The following ADAM19 variants were observed in gnomAD, a reference collection of about 807,000 sequenced individuals.
ADAM19 encodes disintegrin and metalloproteinase domain-containing protein 19.
ADAM19 carries 65 observed loss-of-function variants against 114.7 expected under a neutral mutation model. The observed-to-expected ratio is 0.57, with a 90% CI of 0.46 to 0.70. ADAM19 has a LOEUF of 0.70. Ranked by LOEUF, ADAM19 falls within the 30% of genes least tolerant of loss-of-function variation. The pLI, the probability that ADAM19 is intolerant of heterozygous loss-of-function variation, is 0.00. For missense variants in ADAM19, 1,063 were observed against 1,204.7 expected, an observed-to-expected ratio of 0.88 and a Z score of 1.74; for synonymous variants, 466 against 460.5, an observed-to-expected ratio of 1.01 and a Z score of -0.15.
At chr5:157,489,370 G>A (rs1303511933) in intron 19 of ADAM19, among the ~76,000 whole-genome samples, 184 bp from the exon 20 acceptor site, 1 of 152,204 alleles carries the variant, frequency 6.6e-6, no homozygotes, top group Non-Finnish European at 1.5e-5. Flanking sequence ...GTGGCCAATG[G>A]AGAACTCTCA....
intron 20 of ADAM19, 26 bp downstream of exon 20, chr5:157,489,076 A>G: frequency 6.2e-7 from 1 of 1,601,430 alleles, no homozygotes; most frequent in South Asian, 1.1e-5. Flanking sequence ...GAAAAGTAGC[A>G]AAGTTCAGTG....
chr5:157,568,770 T>C (rs1261502070), intron 2 of ADAM19: 2 of 152,214 alleles, frequency 1.3e-5, no homozygotes, highest in African/African-American at 4.8e-5. Context: ...GAATTAATTA[T>C]ATAAATGAGA....
At chr5:157,517,768 A>G (rs2113737583) in intron 7 of ADAM19, among the ~76,000 whole-genome samples, 1 of 152,352 alleles carries the variant, frequency 6.6e-6, no homozygotes, top group Non-Finnish European at 1.5e-5. Context: ...GAAATACATG[A>G]TGAGCCAGGT....
At chr5:157,512,941 G>T (rs1715447197) in intron 8 of ADAM19, among the ~76,000 whole-genome samples, 1 of 152,108 alleles carries the variant, frequency 6.6e-6, no homozygotes, top group African/African-American at 2.4e-5. Flanking sequence ...TTTGTATCTG[G>T]AAGGAACCTT....
In ADAM19 at chr5:157,489,285, A is replaced by G. The variant is rs1755068640; in HGVS notation, c.2241-99T>C. On this transcript the variant is annotated intron_variant, in intron 19 of 22. Transcript: ENST00000257527. ...ACCCAAGCACGGCCAGCAAGCAGCT[A>G]AATCTTTCCCAAGTCTGCTCTGGAG... The G allele has an allele frequency of 3.6e-6, 3 of 839,780 alleles. No homozygotes were observed. In the South Asian group the frequency reaches 4.3e-5, roughly 12 times the overall value. 52.0% of individuals were successfully genotyped at this position (839,780 alleles called of 1,614,324 possible). A position where few individuals can be genotyped will look rare whatever the true frequency, so the allele number is the denominator to read the frequency against.
intron 3 of ADAM19, among the ~76,000 whole-genome samples, chr5:157,545,315 T>G (rs550997253): frequency 1.3e-5 from 2 of 152,156 alleles, no homozygotes; most frequent in Admixed American, 6.5e-5. Context: ...AAAGAAATAC[T>G]CCCCTCTCGT....
intron 15 of ADAM19, among the ~76,000 whole-genome samples, chr5:157,493,629 C>A (rs982378079): frequency 6.6e-6 from 1 of 152,102 alleles, no homozygotes; most frequent in African/African-American, 2.4e-5. Flanking sequence ...ATTCACACTG[C>A]CCCACCCCCC....
rs1757950914 is a variant in ADAM19 at position 157,575,585 on chromosome 5, C to T, written c.94+18G>A. The T allele has an allele frequency of 1.4e-6, 2 of 1,456,150 alleles. No individual in the cohort carries two copies. The highest frequency in any genetic ancestry group is 1.3e-5 in the South Asian group (1 of 75,864). The allele number at this position is 1,456,150 out of a possible 1,614,324, so 90.2% of individuals were successfully genotyped here. A position where few individuals can be genotyped will look rare whatever the true frequency, so the allele number is the denominator to read the frequency against. ...TCCGGGCCACCCAGCCTCCATCCCC[C>T]CGCGCCTGGCCACTTACTTGTCCAT... On this transcript the variant is annotated intron_variant, in intron 1 of 22. Transcript: ENST00000257527.
chr5:157,523,715 C>T (rs1756373753), intron 5 of ADAM19, among the ~76,000 whole-genome samples: 1 of 152,154 alleles, frequency 6.6e-6, no homozygotes, highest in African/African-American at 2.4e-5. Flanking sequence ...TTATAAATTA[C>T]CCAGCCTTAC....
Position 157,479,008 on chromosome 5 carries a change from T to G in ADAM19, c.*1941A>C, listed in dbSNP as rs905536712. On this transcript the variant is annotated 3_prime_UTR_variant, in exon 23 of 23. Transcript: ENST00000257527. ...TGTTTTGCAGAGGGGTGAAAGGGGATGTTTTCACCTTTACTTTCCAGGAAC... is the reference window on the plus strand; with the variant it reads ...TGTTTTGCAGAGGGGTGAAAGGGGAGGTTTTCACCTTTACTTTCCAGGAAC... 5.1e-6 allele frequency: 5 copies of G among 984,668 alleles called. No individual in the cohort carries two copies. The African/African-American group carries it at 7.0e-5, about 14-fold the overall frequency. The allele number at this position is 984,668 out of a possible 1,614,324, so 61.0% of individuals were successfully genotyped here.
Position 157,493,090 on chromosome 5 carries a change from G to T in ADAM19, c.1791C>A (p.Ile597=), listed in dbSNP as rs1755229655. The change falls in exon 16 of 23, where the codon ATC becomes ATA. Residue 597 remains isoleucine, a synonymous_variant. Transcript: ENST00000257527. The part of the protein sequence containing the change: ...SNAVPIDTTI[I]MNGRQIQCRG... ...GGCACTGGATCTGCCTCCCATTCATGATGATAGTGGTGTCAATGGGCACCG... is the reference window on the plus strand; with the variant it reads ...GGCACTGGATCTGCCTCCCATTCATTATGATAGTGGTGTCAATGGGCACCG... 1 of 1,614,216 alleles carries T rather than the reference G, an allele frequency of 6.2e-7. No individual in the cohort carries two copies. The highest frequency in any genetic ancestry group is 2.2e-5 in the East Asian group (1 of 44,888).
Position 157,489,184 on chromosome 5 carries a change from C to T in ADAM19, c.2243G>A (p.Cys748Tyr), listed in dbSNP as rs149511726. 6.2e-7 allele frequency: 1 copy of T among 1,611,850 alleles called. No individual in the cohort carries two copies. Among genetic ancestry groups the T allele is most frequent in the Non-Finnish European group, 8.5e-7 (1 of 1,178,198 alleles). ...LPSKLRQQFS[C>Y]PFRVSQNSGT... ...GCTGTTCTGAGAAACCCTGAAGGGA[C>T]AACTAGAAACAAGAAATGGGGGAGG... The change falls in exon 20 of 23, where the codon TGT becomes TAT. Residue 748 changes from cysteine (C) to tyrosine (Y), a missense_variant and splice_region_variant. Cys to Tyr is a radical substitution (Grantham distance 194). This residue lies in a region of ADAM19 where 424 missense variants were observed against 445.5 expected (regional missense o/e 0.95). Coordinates refer to ENST00000257527, the MANE Select transcript of ADAM19 (RefSeq NM_033274.5).
chr5:157,532,240 C>A (rs557495610), intron 4 of ADAM19, among the ~76,000 whole-genome samples: 1 of 152,330 alleles, frequency 6.6e-6, no homozygotes, highest in South Asian at 2.1e-4. Flanking sequence ...CCTGGAGACA[C>A]CATAGCCAGC....
At chr5:157,491,949 G>A in intron 16 of ADAM19, 37 bp from the exon 17 acceptor site, 5 of 1,605,800 alleles carry the variant, frequency 3.1e-6, no homozygotes, top group Non-Finnish European at 4.3e-6. Context: ...AGTGCAATGG[G>A]AGGGATGCTG....
chr5:157,574,696 C>T (rs117833738), intron 1 of ADAM19, among the ~76,000 whole-genome samples: 3 of 152,198 alleles, frequency 2.0e-5, no homozygotes, highest in Non-Finnish European at 4.4e-5. Flanking sequence ...GCACCGCCCC[C>T]CGGGACCAAG....
intron 3 of ADAM19, among the ~76,000 whole-genome samples, chr5:157,539,372 G>A (rs1003800046): frequency 6.6e-6 from 1 of 152,272 alleles, no homozygotes; most frequent in Non-Finnish European, 1.5e-5. Flanking sequence ...GAAAGCCAAA[G>A]GAATCTGCAG....
intron 13 of ADAM19, 129 bp from the exon 14 acceptor site, chr5:157,497,218 A>C: frequency 1.2e-6 from 1 of 832,120 alleles, no homozygotes; most frequent in South Asian, 2.4e-5. Flanking sequence ...AGCACTTTTT[A>C]CATGACCTCA....
chr5:157,565,601 C>T (rs1295777656), intron 2 of ADAM19, among the ~76,000 whole-genome samples: 3 of 151,500 alleles, frequency 2.0e-5, no homozygotes, highest in East Asian at 1.9e-4. Context: ...CCTAGCTACT[C>T]GGGAGGCTGA....
chr5:157,538,367 T>A (rs1375888058), intron 3 of ADAM19, among the ~76,000 whole-genome samples: 1 of 152,234 alleles, frequency 6.6e-6, no homozygotes, highest in Admixed American at 6.5e-5. Flanking sequence ...GCACTGGATC[T>A]ACCAATTTTT....
Sources: allele counts gnomAD v4.1 joint callset (sites outside exome capture counted in the v4.1 genomes callset), GRCh38; gene constraint gnomAD v4.1.1; regional missense constraint gnomAD v4.1.1; transcripts MANE v1.5; gene names NCBI Gene and HGNC (gene_info 2026-07-23, HGNC 2026-07-21).